The following DNAJC6 variants were observed in gnomAD, a reference collection of about 807,000 sequenced individuals.
DNAJC6 encodes DnaJ heat shock protein family (Hsp40) member C6, also known as auxilin.
Under a neutral mutation model 110.0 loss-of-function variants are expected in DNAJC6, and 34 were observed. The observed-to-expected ratio is 0.31, with a 90% CI of 0.24 to 0.41. DNAJC6 has a LOEUF of 0.41. Ranked by LOEUF, DNAJC6 falls within the 10% of genes least tolerant of loss-of-function variation. The pLI is 1.00. For synonymous variants in DNAJC6, 406 were observed against 437.2 expected, an observed-to-expected ratio of 0.93 and a Z score of 0.89; for missense variants, 1,031 against 1,207.8, an observed-to-expected ratio of 0.85 and a Z score of 2.17.
At chr1:65,381,076 ACC>A (rs1484815541) in intron 5 of DNAJC6, among the ~76,000 whole-genome samples, 2 of 149,904 alleles carry the variant, frequency 1.3e-5, no homozygotes, top group Non-Finnish European at 3.0e-5. Flanking sequence ...GCACCACCAC[ACC>A]CAGATAATTT....
At chr1:65,412,113 A>T (rs1646134934) in intron 18 of DNAJC6, among the ~76,000 whole-genome samples, 3 of 152,246 alleles carry the variant, frequency 2.0e-5, no homozygotes, top group African/African-American at 7.2e-5. Flanking sequence ...TTCAGAATGT[A>T]GTTGGTAAAA....
chr1:65,304,474 T>C (rs1570248682), intron 1 of DNAJC6, among the ~76,000 whole-genome samples: 1 of 152,204 alleles, frequency 6.6e-6, no homozygotes, highest in East Asian at 1.9e-4. Flanking sequence ...CAGCAAACTG[T>C]AGCACTTAAA....
Position 65,364,610 on chromosome 1 carries a change from GTTTGTT to G in DNAJC6, c.194-21_194-16del. ...TTCTCTGCCATCACCATTTTTGTTT[GTTTGTT>G]TTTTTTTTTTTTTGGCAGGTGCCTC... On this transcript the variant is annotated intron_variant, in intron 1 of 18. Coordinates refer to ENST00000371069, the MANE Select transcript of DNAJC6 (RefSeq NM_001256864.2). 3 of 1,441,930 alleles carry G rather than the reference GTTTGTT, an allele frequency of 2.1e-6. No homozygotes were observed. The highest frequency in any genetic ancestry group is 2.6e-5 in the East Asian group (1 of 38,618). The allele number at this position is 1,441,930 out of a possible 1,614,324, so 89.3% of individuals were successfully genotyped here.
intron 1 of DNAJC6, among the ~76,000 whole-genome samples, chr1:65,291,951 A>G (rs7527358): frequency 0.64 from 97,375 of 151,860 alleles, 31,418 homozygotes; most frequent in East Asian, 0.79. Flanking sequence ...CTTTTTTCCC[A>G]CCTTCACTCC....
intron 1 of DNAJC6, among the ~76,000 whole-genome samples, chr1:65,337,615 C>G (rs530086178): frequency 6.6e-6 from 1 of 151,752 alleles, no homozygotes; most frequent in Non-Finnish European, 1.5e-5. Flanking sequence ...TTCAACCAAC[C>G]CTGAATCAAA....
chr1:65,409,787 T>C (rs1178991211), intron 17 of DNAJC6, among the ~76,000 whole-genome samples: 2 of 152,216 alleles, frequency 1.3e-5, no homozygotes, highest in African/African-American at 2.4e-5. Flanking sequence ...TCTTTCTGAT[T>C]CTGGAGGTTT....
At chr1:65,365,409 A>G (rs925457540) in intron 2 of DNAJC6, among the ~76,000 whole-genome samples, 34 of 152,304 alleles carry the variant, frequency 2.2e-4, no homozygotes, top group African/African-American at 7.5e-4. Context: ...AACGTCAAGT[A>G]CATTATATTA....
At chr1:65,385,568 C>A (rs1472275197) in intron 6 of DNAJC6, 144 bp from the exon 7 acceptor site, 2 of 678,508 alleles carry the variant, frequency 2.9e-6, no homozygotes, top group East Asian at 2.8e-5. Context: ...ATCGCATTAT[C>A]TTTTGCTAGT....
chr1:65,368,827 TA>T (rs1170701689), intron 4 of DNAJC6, among the ~76,000 whole-genome samples: 18 of 140,302 alleles, frequency 1.3e-4, no homozygotes, highest in African/African-American at 4.7e-4. Context: ...CAGGCTGGAG[TA>T]CAGTGGCATG....
intron 11 of DNAJC6, among the ~76,000 whole-genome samples, chr1:65,390,019 A>C (rs1477725679): frequency 9.2e-5 from 14 of 152,146 alleles, no homozygotes; most frequent in Admixed American, 9.2e-4. Context: ...TCTCTAAAAA[A>C]TTTTTTAAAA....
intron 1 of DNAJC6, among the ~76,000 whole-genome samples, chr1:65,265,785 G>A (rs1265107310): frequency 6.6e-6 from 1 of 152,108 alleles, no homozygotes; most frequent in Non-Finnish European, 1.5e-5. Context: ...CCTTCCTATT[G>A]CGCTGGTCGT....
intron 1 of DNAJC6, among the ~76,000 whole-genome samples, chr1:65,311,344 C>G (rs1487482674): frequency 6.6e-6 from 1 of 150,570 alleles, no homozygotes; most frequent in Non-Finnish European, 1.5e-5. Flanking sequence ...CCTGCCTCAG[C>G]CTCCTGAGTA....
At chr1:65,313,821 T>G (rs1052030047) in intron 1 of DNAJC6, among the ~76,000 whole-genome samples, 1 of 152,202 alleles carries the variant, frequency 6.6e-6, no homozygotes, top group Non-Finnish European at 1.5e-5. Context: ...TCACTTTCTC[T>G]TCATTCAAAT....
intron 1 of DNAJC6, among the ~76,000 whole-genome samples, chr1:65,329,430 G>GACCCA (rs1645268026): frequency 6.6e-6 from 1 of 152,004 alleles, no homozygotes; most frequent in Non-Finnish European, 1.5e-5. Flanking sequence ...GAGAGCATCT[G>GACCCA]GGGATAAAAT....
At chr1:65,349,097 TATATAAATAA>T (rs1320012205) in intron 1 of DNAJC6, among the ~76,000 whole-genome samples, 1 of 143,864 alleles carries the variant, frequency 7.0e-6, no homozygotes, top group Non-Finnish European at 1.5e-5. Context: ...TGTAAATATA[TATATAAATAA>T]ATATGTAAAT....
intron 1 of DNAJC6, among the ~76,000 whole-genome samples, chr1:65,336,419 A>C (rs1335272202): frequency 6.6e-6 from 1 of 152,142 alleles, no homozygotes; most frequent in African/African-American, 2.4e-5. Flanking sequence ...CAGCCAAACC[A>C]TGTCAACATT....
chr1:65,307,010 C>CTATATATA (rs1282683088), upstream of DNAJC6, among the ~76,000 whole-genome samples: 6 of 84,770 alleles, frequency 7.1e-5, no homozygotes, highest in African/African-American at 1.1e-4. Context: ...CTCTCTCTCT[C>CTATATATA]TCTCTCTCTA....
chr1:65,335,979 TA>T (rs1314284295), intron 1 of DNAJC6, among the ~76,000 whole-genome samples: 1 of 152,204 alleles, frequency 6.6e-6, no homozygotes, highest in Non-Finnish European at 1.5e-5. Flanking sequence ...TTGGTGGCAC[TA>T]TAGGCAGTGA....
chr1:65,350,011 A>G (rs1230647442), intron 1 of DNAJC6, among the ~76,000 whole-genome samples: 5 of 152,194 alleles, frequency 3.3e-5, no homozygotes. Flanking sequence ...GGCCCCCACA[A>G]CAAAGAATTA....
Sources: allele counts gnomAD v4.1 joint callset (sites outside exome capture counted in the v4.1 genomes callset), GRCh38; gene constraint gnomAD v4.1.1; transcripts MANE v1.5; gene names NCBI Gene and HGNC (gene_info 2026-07-23, HGNC 2026-07-21).